The following ST8SIA1 variants were observed in gnomAD, a reference collection of about 807,000 sequenced individuals.
ST8SIA1 encodes alpha-N-acetylneuraminide alpha-2,8-sialyltransferase.
ST8SIA1 carries 16 observed loss-of-function variants against 35.9 expected under a neutral mutation model. The ratio of observed to expected loss-of-function variants is 0.45; its 90% CI spans 0.30 to 0.68. ST8SIA1 has a LOEUF of 0.68. Ranked by LOEUF, ST8SIA1 falls within the 30% of genes least tolerant of loss-of-function variation. The probability of loss-of-function intolerance (pLI) is 0.09; values close to 1 mark genes in which losing one functional copy is unlikely to be tolerated. For missense variants in ST8SIA1, 383 were observed against 453.6 expected, an observed-to-expected ratio of 0.84 and a Z score of 1.41; for synonymous variants, 170 against 169.6, an observed-to-expected ratio of 1.00 and a Z score of -0.02.
chr12:22,249,306 C>A (rs1225138265), intron 3 of ST8SIA1, among the ~76,000 whole-genome samples: 3 of 151,396 alleles, frequency 2.0e-5, no homozygotes, highest in Middle Eastern at 3.4e-3. Context: ...GCAAGCTCCA[C>A]CTGCCGGGTT....
intron 4 of ST8SIA1, among the ~76,000 whole-genome samples, chr12:22,236,887 T>C (rs545440190): frequency 2.0e-4 from 30 of 152,294 alleles, no homozygotes; most frequent in African/African-American, 7.0e-4. Context: ...TCACCTTAGC[T>C]GCTCTCAGGA....
chr12:22,201,505 A>T lies in ST8SIA1; in HGVS notation c.*47T>A. On this transcript the variant is annotated 3_prime_UTR_variant, in exon 5 of 5. Coordinates refer to ENST00000396037, the MANE Select transcript of ST8SIA1 (RefSeq NM_003034.4). ...CATTCCCTCTTGGAGTCACATAGAA[A>T]ACCTAACAAAAATACCCTGGTTCAG... The T allele has an allele frequency of 6.5e-7, 1 of 1,536,626 alleles. No homozygotes were observed. The highest frequency in any genetic ancestry group is 1.4e-5 in the African/African-American group (1 of 72,400).
intron 1 of ST8SIA1, among the ~76,000 whole-genome samples, 174 bp from the exon 2 acceptor site, chr12:22,287,467 C>T (rs868162131): frequency 4.9e-5 from 7 of 142,872 alleles, no homozygotes; most frequent in Middle Eastern, 3.7e-3. Flanking sequence ...CACCAAAATG[C>T]GTGACTAGAC....
rs895032232 is a variant in ST8SIA1 at position 22,198,464 on chromosome 12, G to A, written c.*3088C>T. On this transcript the variant is annotated 3_prime_UTR_variant, in exon 5 of 5. Transcript: ENST00000396037. ...GAGCACTCTACAGGATGATTCTAGC[G>A]AGGTCCTTACTTAGGAACACATAGC... 2.0e-4 allele frequency: 30 copies of A among 151,014 alleles called. No homozygotes were observed. The highest frequency in any genetic ancestry group is 5.6e-4 in the African/African-American group (23 of 41,044). 9.4% of individuals were successfully genotyped at this position (151,014 alleles called of 1,614,324 possible).
intron 4 of ST8SIA1, among the ~76,000 whole-genome samples, chr12:22,205,436 A>G (rs552732397): frequency 2.0e-4 from 30 of 152,204 alleles, no homozygotes; most frequent in Non-Finnish European, 3.8e-4. Context: ...ACAGAGTGGA[A>G]AGGACAAAAG....
chr12:22,264,654 G>A (rs969243841), intron 2 of ST8SIA1, among the ~76,000 whole-genome samples: 3 of 151,976 alleles, frequency 2.0e-5, no homozygotes, highest in Admixed American at 6.6e-5. Flanking sequence ...CTCATTATAG[G>A]TACTTAATTA....
intron 4 of ST8SIA1, among the ~76,000 whole-genome samples, chr12:22,202,269 T>C (rs994575948): frequency 6.6e-6 from 1 of 152,232 alleles, no homozygotes; most frequent in Non-Finnish European, 1.5e-5. Flanking sequence ...CATTTGTTAA[T>C]GGGGCTCCCT....
intron 2 of ST8SIA1, among the ~76,000 whole-genome samples, chr12:22,282,672 G>C (rs1866051240): frequency 6.6e-6 from 1 of 152,132 alleles, no homozygotes. Context: ...TTTATTGCTT[G>C]AGATAAATAA....
intron 4 of ST8SIA1, among the ~76,000 whole-genome samples, chr12:22,207,059 C>G (rs979112274): frequency 6.6e-6 from 1 of 152,170 alleles, no homozygotes; most frequent in Admixed American, 6.5e-5. Flanking sequence ...CAATCAGGTT[C>G]AAGTAAGAGA....
intron 4 of ST8SIA1, among the ~76,000 whole-genome samples, chr12:22,232,833 C>CA (rs966861134): frequency 1.3e-5 from 2 of 150,340 alleles, no homozygotes; most frequent in Non-Finnish European, 3.0e-5. Context: ...GACTCTGCCT[C>CA]AAAAAAATAA....
At chr12:22,248,932 A>T in intron 4 of ST8SIA1, 74 bp downstream of exon 4, 1 of 1,107,182 alleles carries the variant, frequency 9.0e-7, no homozygotes, top group Non-Finnish European at 1.4e-6. Context: ...AATTATGCTC[A>T]CTGCCTTTGA....
chr12:22,242,983 G>GCTGTAGCAAAGCTCCTTCTTA (rs917382375), intron 4 of ST8SIA1, among the ~76,000 whole-genome samples: 1 of 152,086 alleles, frequency 6.6e-6, no homozygotes, highest in African/African-American at 2.4e-5. Context: ...CCTAACAAAG[G>GCTGTAGCAAAGCTCCTTCTTA]CTGTAGCAAA....
chr12:22,252,099 T>C (rs1865677898), intron 3 of ST8SIA1, among the ~76,000 whole-genome samples: 1 of 152,236 alleles, frequency 6.6e-6, no homozygotes, highest in Admixed American at 6.5e-5. Flanking sequence ...AAATGTTTAC[T>C]TTGAGAAATG....
intron 4 of ST8SIA1, among the ~76,000 whole-genome samples, chr12:22,209,095 T>C (rs1307973891): frequency 2.6e-5 from 4 of 152,064 alleles, no homozygotes; most frequent in Non-Finnish European, 5.9e-5. Flanking sequence ...CCATAAAAAA[T>C]TGTTAAACAT....
chr12:22,297,794 T>G (rs575196578), intron 1 of ST8SIA1, among the ~76,000 whole-genome samples: 87 of 152,256 alleles, frequency 5.7e-4, no homozygotes, highest in Middle Eastern at 3.4e-3. Context: ...ATACAAGTCT[T>G]AAAATCCTCG....
chr12:22,297,665 C>G (rs560563888), intron 1 of ST8SIA1, among the ~76,000 whole-genome samples: 6 of 152,138 alleles, frequency 3.9e-5, no homozygotes, highest in Non-Finnish European at 8.8e-5. Flanking sequence ...CAACCTTTAA[C>G]TGACTGTCAT....
intron 2 of ST8SIA1, among the ~76,000 whole-genome samples, chr12:22,273,671 T>C (rs1230432389): frequency 1.3e-5 from 2 of 152,194 alleles, no homozygotes; most frequent in African/African-American, 4.8e-5. Context: ...TCTCTTTATA[T>C]TTATACCAAA....
chr12:22,262,977 T>C (rs1865809172), intron 2 of ST8SIA1, among the ~76,000 whole-genome samples: 1 of 152,200 alleles, frequency 6.6e-6, no homozygotes. Context: ...CTTTTCGGAT[T>C]CTTTTTGAAT....
intron 1 of ST8SIA1, among the ~76,000 whole-genome samples, chr12:22,303,643 AC>A (rs1283670906): frequency 2.0e-5 from 3 of 151,904 alleles, no homozygotes; most frequent in Admixed American, 2.0e-4. Flanking sequence ...GTTTTGCTTA[AC>A]TGTTTTTTGT....
Sources: allele counts gnomAD v4.1 joint callset (sites outside exome capture counted in the v4.1 genomes callset), GRCh38; gene constraint gnomAD v4.1.1; transcripts MANE v1.5; gene names NCBI Gene and HGNC (gene_info 2026-07-23, HGNC 2026-07-21).